Variants in TTC19 observed in about 807,000 individuals in gnomAD.
The protein encoded by TTC19 is tetratricopeptide repeat domain 19.
Under a neutral mutation model 49.5 loss-of-function variants are expected in TTC19, and 38 were observed. The observed-to-expected ratio is 0.77, with a 90% CI of 0.59 to 1.01. The LOEUF is 1.01. TTC19 is among the 50% of genes least tolerant of loss of function. The pLI is 0.00. For missense variants in TTC19, 475 were observed against 477.7 expected, an observed-to-expected ratio of 0.99 and a Z score of 0.05; for synonymous variants, 204 against 185.2, an observed-to-expected ratio of 1.10 and a Z score of -0.83.
At chr17:16,008,096 C>G (rs903386971) in intron 7 of TTC19, among the ~76,000 whole-genome samples, 1 of 152,202 alleles carries the variant, frequency 6.6e-6, no homozygotes, top group African/African-American at 2.4e-5. Context: ...AATGTTGGCA[C>G]GCCTTAGGGC....
chr17:16,042,921 T>C (rs1390699581), intron 2 of TTC19, among the ~76,000 whole-genome samples: 3 of 152,182 alleles, frequency 2.0e-5, no homozygotes, highest in Non-Finnish European at 4.4e-5. Context: ...GTTTTCAGCA[T>C]ACAAGCGACC....
chr17:16,019,424 T>G (rs1162647008), intron 7 of TTC19, among the ~76,000 whole-genome samples: 1 of 152,244 alleles, frequency 6.6e-6, no homozygotes, highest in African/African-American at 2.4e-5. Flanking sequence ...TGTAGTTTGC[T>G]TTTGTCACTC....
intron 9 of TTC19, 109 bp from the exon 10 acceptor site, chr17:16,027,265 A>C (rs566810575): frequency 8.4e-5 from 112 of 1,326,588 alleles, no homozygotes; most frequent in Non-Finnish European, 1.1e-4. Flanking sequence ...TTGTCGCTTC[A>C]TAAGCACACA....
At chr17:16,001,818 TC>T (rs1970744781) in intron 2 of TTC19, 96 bp from the exon 3 acceptor site, 3 of 799,786 alleles carry the variant, frequency 3.8e-6, no homozygotes, top group Non-Finnish European at 6.4e-6. Flanking sequence ...TTAGCTTCCT[TC>T]TATCAGTTGG....
At position 16,027,437 on chromosome 17, in the gene TTC19, A is replaced by G; in HGVS notation, c.1058A>G (p.Asp353Gly). ...EALKQAKLKK[D>G]EISVQHIREE... ...CTGAAGCAAGCAAAGCTGAAAAAAGATGAAATTTCTGTACAACACATCAGG... is the reference window on the plus strand; with the variant it reads ...CTGAAGCAAGCAAAGCTGAAAAAAGGTGAAATTTCTGTACAACACATCAGG... Residue 353 changes from aspartate to glycine, a missense_variant, in exon 10 of 10, where the codon GAT becomes GGT. Physicochemically the swap from Asp to Gly is moderately conservative, Grantham distance 94. Coordinates refer to ENST00000261647, the MANE Select transcript of TTC19 (RefSeq NM_017775.4). 1 of 1,614,186 alleles carries G rather than the reference A, an allele frequency of 6.2e-7. No individual in the cohort carries two copies. The highest frequency in any genetic ancestry group is 1.1e-5 in the South Asian group (1 of 91,084).
intron 7 of TTC19, among the ~76,000 whole-genome samples, chr17:16,011,420 G>A (rs968860594): frequency 6.6e-6 from 1 of 152,144 alleles, no homozygotes; most frequent in African/African-American, 2.4e-5. Flanking sequence ...TGATCCACCC[G>A]CCCCAGCCTC....
intron 2 of TTC19, among the ~76,000 whole-genome samples, chr17:16,034,467 G>A (rs962135839): frequency 2.0e-5 from 3 of 151,936 alleles, no homozygotes; most frequent in Non-Finnish European, 4.4e-5. Context: ...AATTAGCCAG[G>A]CATGGTCGTG....
At position 16,027,291 on chromosome 17, in the gene TTC19, A is replaced by G. The variant is rs1239039314; in HGVS notation, c.995-83A>G. 5.3e-6 allele frequency: 8 copies of G among 1,521,248 alleles called. No individual in the cohort carries two copies. The Admixed American group carries it at 1.2e-4, about 23-fold the overall frequency. 94.2% of individuals were successfully genotyped at this position (1,521,248 alleles called of 1,614,324 possible). Reference sequence around the variant, plus strand: ...TAAGCACACAGTAAATTAGCCCTATATCTGCATTCATGCTCTCTCTTCAGA... The same window carrying G: ...TAAGCACACAGTAAATTAGCCCTATGTCTGCATTCATGCTCTCTCTTCAGA... On this transcript the variant is annotated intron_variant, in intron 9 of 9. Coordinates refer to ENST00000261647, the MANE Select transcript of TTC19 (RefSeq NM_017775.4).
chr17:16,019,766 T>C (rs961407465), intron 7 of TTC19, among the ~76,000 whole-genome samples: 3 of 152,206 alleles, frequency 2.0e-5, no homozygotes, highest in Non-Finnish European at 4.4e-5. Flanking sequence ...TGAACATTCT[T>C]GGACTTGCAT....
intron 8 of TTC19, 112 bp from the exon 9 acceptor site, chr17:16,026,428 T>C (rs1046087735): frequency 1.0e-6 from 1 of 1,000,992 alleles, no homozygotes; most frequent in African/African-American, 1.6e-5. Flanking sequence ...TCATCTTTTG[T>C]GGAATGCTAG....
At chr17:16,018,598 C>T (rs1452966518) in intron 7 of TTC19, among the ~76,000 whole-genome samples, 1 of 152,108 alleles carries the variant, frequency 6.6e-6, no homozygotes, top group Non-Finnish European at 1.5e-5. Context: ...CCTCAACCTC[C>T]CAGGCTCAAC....
chr17:16,040,858 T>G, intron 2 of TTC19: 1 of 210,830 alleles, frequency 4.7e-6, no homozygotes, highest in South Asian at 8.1e-5. Flanking sequence ...AGTGAGACTC[T>G]CCCATCTGTT....
chr17:16,021,043 G>A (rs1971364003), intron 7 of TTC19, among the ~76,000 whole-genome samples: 1 of 152,134 alleles, frequency 6.6e-6, no homozygotes, highest in Non-Finnish European at 1.5e-5. Context: ...GAAATACTGA[G>A]TGCCCATTAC....
chr17:16,003,945 C>A, intron 5 of TTC19, 58 bp downstream of exon 5: 1 of 1,540,514 alleles, frequency 6.5e-7, no homozygotes, highest in South Asian at 1.1e-5. Context: ...ACAGTCTTGT[C>A]TCCTGAAAAC....
Position 16,014,212 on chromosome 17 carries a change from C to T in TTC19, c.676+7644C>T, listed in dbSNP as rs143743750. Among the ~76,000 whole-genome samples the T allele has an allele frequency of 4.7e-3, 716 of 152,298 alleles. 6 individuals are homozygous for T. Among genetic ancestry groups the T allele is most frequent in the African/African-American group, 0.016 (677 of 41,548 alleles). ...CCTAGAAGTCTCCAAGTAGATTTGT[C>T]CTTACTTCTCATTGGTTAGAATTGG... On this transcript the variant is annotated intron_variant, in intron 7 of 9. Transcript: ENST00000261647.
Position 16,028,482 on chromosome 17 carries a change from C to G in TTC19, c.*960C>G. 2.2e-6 allele frequency: 1 copy of G among 453,990 alleles called. No individual in the cohort carries two copies. The highest frequency in any genetic ancestry group is 4.4e-6 in the Non-Finnish European group (1 of 226,764). 28.1% of individuals were successfully genotyped at this position (453,990 alleles called of 1,614,324 possible). On this transcript the variant is annotated 3_prime_UTR_variant, in exon 10 of 10. Coordinates refer to ENST00000261647, the MANE Select transcript of TTC19 (RefSeq NM_017775.4). ...GGGAAACACTGGGATTCTTTCTTAGCTGTGGGGGAAGGTATTTGGTTAGAT... is the reference window on the plus strand; with the variant it reads ...GGGAAACACTGGGATTCTTTCTTAGGTGTGGGGGAAGGTATTTGGTTAGAT...
chr17:16,044,863 AC>A (rs750950022), exon 3 of TTC19: 1,093 of 807,806 alleles, frequency 1.4e-3, no homozygotes, highest in Non-Finnish European at 1.8e-3. Flanking sequence ...GATCCTGCCC[AC>A]TCCACTGCTG....
intron 7 of TTC19, among the ~76,000 whole-genome samples, chr17:16,011,290 C>T (rs545264079): frequency 6.6e-6 from 1 of 152,326 alleles, no homozygotes; most frequent in East Asian, 1.9e-4. Context: ...AAGCAATTCT[C>T]ATGCCTCTGC....
At chr17:16,024,727 G>A in intron 7 of TTC19, 2 of 411,158 alleles carry the variant, frequency 4.9e-6, no homozygotes, top group South Asian at 2.3e-5. Context: ...TTGACTTTTT[G>A]TTGTTAACTC....
Sources: gnomAD v4.1 joint callset for allele counts (sites outside exome capture counted in the v4.1 genomes callset) on GRCh38, gnomAD v4.1.1 for gene constraint, MANE v1.5 for transcripts, NCBI Gene and HGNC (gene_info 2026-07-23, HGNC 2026-07-21) for gene names.